The following KCNIP4 variants were observed in gnomAD, a reference collection of about 807,000 sequenced individuals.
The protein encoded by KCNIP4 is Kv channel-interacting protein 4.
A neutral mutation model predicts 34.0 loss-of-function variants in KCNIP4; 12 were observed. The ratio of observed to expected loss-of-function variants is 0.35; its 90% CI spans 0.23 to 0.57. The LOEUF (loss-of-function observed/expected upper bound fraction) is 0.57, where lower values mean the gene tolerates loss of function less well. Among genes scored for constraint, KCNIP4 ranks in the 20% least tolerant of loss-of-function variants. The probability of loss-of-function intolerance (pLI) is 0.83; values close to 1 mark genes in which losing one functional copy is unlikely to be tolerated. For synonymous variants in KCNIP4, 124 were observed against 102.2 expected (o/e 1.21, Z -1.29); for missense variants, 238 against 311.7 (o/e 0.76, Z 1.78).
At chr4:21,726,758 C>A (rs926857054) in intron 1 of KCNIP4, among the ~76,000 whole-genome samples, 13 of 152,116 alleles carry the variant, frequency 8.5e-5, no homozygotes, top group African/African-American at 3.1e-4. Context: ...TGTTCACCAC[C>A]ATTTATACAG....
intron 1 of KCNIP4, among the ~76,000 whole-genome samples, chr4:21,904,182 C>T (rs1214717034): frequency 6.6e-6 from 1 of 152,106 alleles, no homozygotes; most frequent in Non-Finnish European, 1.5e-5. Context: ...AAAAAAAATT[C>T]TTCAGTCCCC....
At chr4:21,309,203 G>A (rs1004444053) in intron 1 of KCNIP4, among the ~76,000 whole-genome samples, 3 of 152,146 alleles carry the variant, frequency 2.0e-5, no homozygotes, top group Non-Finnish European at 4.4e-5. Flanking sequence ...GGCTGGGAAG[G>A]CTTTAAAGAG....
intron 1 of KCNIP4, among the ~76,000 whole-genome samples, chr4:21,822,713 A>C: frequency 8.8e-6 from 1 of 114,060 alleles, no homozygotes; most frequent in Non-Finnish European, 1.7e-5. Flanking sequence ...TATATTATTA[A>C]TTTTCCTTTT....
At chr4:21,028,681 G>A (rs1019044278) in intron 1 of KCNIP4, among the ~76,000 whole-genome samples, 1 of 152,148 alleles carries the variant, frequency 6.6e-6, no homozygotes, top group African/African-American at 2.4e-5. Flanking sequence ...CTAGATGCCA[G>A]TGATAGGAAA....
intron 2 of KCNIP4, among the ~76,000 whole-genome samples, chr4:20,861,244 T>C (rs1722165837): frequency 6.6e-6 from 1 of 152,176 alleles, no homozygotes; most frequent in Non-Finnish European, 1.5e-5. Flanking sequence ...CTTTAAACTT[T>C]GACAATTTTA....
intron 3 of KCNIP4, among the ~76,000 whole-genome samples, chr4:20,775,731 GA>G (rs1206585333): frequency 2.0e-5 from 3 of 151,922 alleles, no homozygotes; most frequent in Non-Finnish European, 4.4e-5. Flanking sequence ...AAAGAATAAT[GA>G]TGATTGTTTT....
intron 1 of KCNIP4, among the ~76,000 whole-genome samples, chr4:21,511,065 T>C (rs1734277162): frequency 6.6e-6 from 1 of 151,510 alleles, no homozygotes; most frequent in African/African-American, 2.4e-5. Context: ...AAAATAATAA[T>C]AATAAATCGT....
intron 3 of KCNIP4, among the ~76,000 whole-genome samples, chr4:20,760,141 G>C (rs1000408962): frequency 6.6e-6 from 1 of 152,182 alleles, no homozygotes; most frequent in Non-Finnish European, 1.5e-5. Context: ...ATTGTAAGTG[G>C]AGAAGTGGTA....
intron 1 of KCNIP4, among the ~76,000 whole-genome samples, chr4:21,195,520 A>T (rs1755994650): frequency 6.6e-6 from 1 of 152,158 alleles, no homozygotes; most frequent in Admixed American, 6.5e-5. Flanking sequence ...ACTGTGCATT[A>T]ATTTTAACTG....
chr4:21,029,644 G>C (rs1277016696), intron 1 of KCNIP4, among the ~76,000 whole-genome samples: 1 of 152,190 alleles, frequency 6.6e-6, no homozygotes, highest in Non-Finnish European at 1.5e-5. Flanking sequence ...AAGCTGTTGA[G>C]TGCACTACCT....
intron 1 of KCNIP4, among the ~76,000 whole-genome samples, chr4:21,770,263 C>T (rs1718691097): frequency 6.6e-6 from 1 of 152,124 alleles, no homozygotes; most frequent in South Asian, 2.1e-4. Flanking sequence ...TGATGGCTTC[C>T]AGCTTCATCT....
intron 1 of KCNIP4, among the ~76,000 whole-genome samples, chr4:21,594,017 C>A (rs1308569377): frequency 6.6e-6 from 1 of 151,718 alleles, no homozygotes; most frequent in Non-Finnish European, 1.5e-5. Flanking sequence ...TTGGGGCCTG[C>A]ATGTATGTAG....
At chr4:21,523,300 G>T (rs763942071) in intron 1 of KCNIP4, among the ~76,000 whole-genome samples, 4 of 152,024 alleles carry the variant, frequency 2.6e-5, no homozygotes, top group African/African-American at 4.8e-5. Context: ...GCTAGATGAG[G>T]TGATTAATTC....
intron 1 of KCNIP4, among the ~76,000 whole-genome samples, chr4:21,756,818 C>T: frequency 6.6e-6 from 1 of 151,788 alleles, no homozygotes. Context: ...GAAAATAGGC[C>T]AGGCGCAGTG....
chr4:20,950,776 A>G (rs886241352), intron 1 of KCNIP4, among the ~76,000 whole-genome samples: 1 of 152,156 alleles, frequency 6.6e-6, no homozygotes, highest in Non-Finnish European at 1.5e-5. Context: ...TACAAAACCA[A>G]CTTGACTTCT....
intron 1 of KCNIP4, among the ~76,000 whole-genome samples, chr4:21,717,683 C>G (rs975169385): frequency 6.6e-6 from 1 of 152,140 alleles, no homozygotes; most frequent in Non-Finnish European, 1.5e-5. Context: ...CTGGGTTGAA[C>G]TGATCAGACT....
chr4:20,983,413 A>G (rs1213488498), intron 1 of KCNIP4, among the ~76,000 whole-genome samples: 1 of 152,216 alleles, frequency 6.6e-6, no homozygotes, highest in East Asian at 1.9e-4. Flanking sequence ...AGGGACACAC[A>G]GATATTCTCT....
intron 1 of KCNIP4, among the ~76,000 whole-genome samples, chr4:21,413,179 G>A (rs140002244): frequency 4.7e-4 from 72 of 152,266 alleles, no homozygotes; most frequent in Non-Finnish European, 9.0e-4. Flanking sequence ...ATCTCTTGAT[G>A]TAGACAAAGT....
chr4:21,716,660 C>A (rs1378235556), intron 1 of KCNIP4, among the ~76,000 whole-genome samples: 1 of 152,122 alleles, frequency 6.6e-6, no homozygotes, highest in African/African-American at 2.4e-5. Context: ...GACATGTTTA[C>A]CCCCAACGAG....
Sources: gnomAD v4.1 joint callset for allele counts (sites outside exome capture counted in the v4.1 genomes callset) on GRCh38, gnomAD v4.1.1 for gene constraint, MANE v1.5 for transcripts, NCBI Gene and HGNC (gene_info 2026-07-23, HGNC 2026-07-21) for gene names.